Variants in USP14 observed in about 807,000 individuals in gnomAD.
USP14 encodes the protein ubiquitin specific peptidase 14, also known as ubiquitin carboxyl-terminal hydrolase 14.
In USP14, 38 loss-of-function variants were observed where a neutral mutation model predicts 76.5. The ratio of observed to expected loss-of-function variants is 0.50; its 90% CI spans 0.38 to 0.65. The LOEUF is 0.65. Ranked by LOEUF, USP14 falls within the 30% of genes least tolerant of loss-of-function variation. The pLI, the probability that USP14 is intolerant of heterozygous loss-of-function variation, is 0.00. For missense variants in USP14, 467 were observed against 586.5 expected, an observed-to-expected ratio of 0.80 and a Z score of 2.10; for synonymous variants, 192 against 191.7, an observed-to-expected ratio of 1.00 and a Z score of -0.01.
At position 210,500 on chromosome 18, in the gene USP14, G is replaced by A. The variant is rs943399589; in HGVS notation, c.1333+7G>A. The stretch of plus-strand genomic sequence containing the variant: ...TGGGTGAAAAGGAAACAAGGTAAAG[G>A]GTATTCTTTTTTCAACTGTTCAATA... On this transcript the variant is annotated splice_region_variant and intron_variant, in intron 15 of 15. Transcript: ENST00000261601. The A allele has an allele frequency of 1.3e-6, 2 of 1,553,026 alleles. No homozygotes were observed. The highest frequency in any genetic ancestry group is 1.8e-6 in the Non-Finnish European group (2 of 1,137,208).
At chr18:175,856 A>G (rs894099519) in intron 3 of USP14, among the ~76,000 whole-genome samples, 9 of 152,094 alleles carry the variant, frequency 5.9e-5, no homozygotes, top group Non-Finnish European at 1.2e-4. Context: ...CTAGTTCACT[A>G]GACTTCATGT....
chr18:203,840 C>T (rs188132089), intron 12 of USP14, among the ~76,000 whole-genome samples: 17 of 152,084 alleles, frequency 1.1e-4, no homozygotes, highest in East Asian at 3.9e-4. Flanking sequence ...CCTCTTGATC[C>T]GCCCGCTTTG....
chr18:210,456 T>C lies in USP14; in HGVS notation c.1296T>C (p.Ser432=). ...TAACACACCAGGGAAGGTCTAGTTCTTCAGGTCATTATGTATCATGGGTGA... is the reference window on the plus strand; with the variant it reads ...TAACACACCAGGGAAGGTCTAGTTCCTCAGGTCATTATGTATCATGGGTGA... ...AVLTHQGRSS[S]SGHYVSWVKR... is the part of the protein sequence containing the mutation. Residue 432 remains serine (S), a synonymous_variant, in exon 15 of 16, where the codon TCT becomes TCC. Transcript: ENST00000261601. The C allele has an allele frequency of 6.2e-7, 1 of 1,611,822 alleles. No individual in the cohort carries two copies. Among genetic ancestry groups the C allele is most frequent in the Non-Finnish European group, 8.5e-7 (1 of 1,178,788 alleles).
At chr18:181,370 C>A (rs542400968) in intron 5 of USP14, among the ~76,000 whole-genome samples, 1 of 152,092 alleles carries the variant, frequency 6.6e-6, no homozygotes, top group Non-Finnish European at 1.5e-5. Context: ...AGCCATCTAG[C>A]GCTATGAAGT....
intron 10 of USP14, among the ~76,000 whole-genome samples, chr18:202,667 G>C (rs111311471): frequency 6.6e-6 from 1 of 152,036 alleles, no homozygotes; most frequent in Non-Finnish European, 1.5e-5. Context: ...CCACAACAAC[G>C]TAAATTATTT....
intron 11 of USP14, 31 bp from the exon 12 acceptor site, chr18:203,067 A>G: frequency 6.2e-7 from 1 of 1,610,012 alleles, no homozygotes; most frequent in Non-Finnish European, 8.5e-7. Flanking sequence ...ATTTTGATGT[A>G]ATGGGATTTC....
intron 5 of USP14, among the ~76,000 whole-genome samples, chr18:186,969 T>G (rs536921071): frequency 5.8e-4 from 88 of 152,296 alleles, no homozygotes; most frequent in African/African-American, 2.1e-3. Context: ...AGTGGGTTAA[T>G]AAATTAGAGT....
chr18:197,212 C>T (rs1032379025), intron 7 of USP14, among the ~76,000 whole-genome samples: 4 of 152,360 alleles, frequency 2.6e-5, no homozygotes, highest in South Asian at 2.1e-4. Context: ...GCAAGACCAG[C>T]TCCCTCACCT....
At chr18:208,821 G>T (rs1020288228) in intron 13 of USP14, among the ~76,000 whole-genome samples, 1 of 152,042 alleles carries the variant, frequency 6.6e-6, no homozygotes, top group Non-Finnish European at 1.5e-5. Context: ...TCCCGGCTCA[G>T]TGCAACCTCT....
intron 5 of USP14, among the ~76,000 whole-genome samples, chr18:191,821 A>G (rs1910097658): frequency 1.3e-5 from 2 of 152,102 alleles, no homozygotes; most frequent in Non-Finnish European, 2.9e-5. Flanking sequence ...TAGTCACTCT[A>G]ATGGGTGTGT....
At chr18:209,901 AACACTT>A (rs1910624705) in intron 13 of USP14, 64 bp from the exon 14 acceptor site, 1 of 1,194,048 alleles carries the variant, frequency 8.4e-7, no homozygotes, top group African/African-American at 1.5e-5. Context: ...TATGAAATTG[AACACTT>A]ACAGAGAATT....
intron 3 of USP14, among the ~76,000 whole-genome samples, chr18:168,671 G>C (rs1013933501): frequency 2.6e-5 from 4 of 151,948 alleles, no homozygotes; most frequent in African/African-American, 9.7e-5. Flanking sequence ...CTGACCTCAA[G>C]TGATCTGCCT....
intron 5 of USP14, among the ~76,000 whole-genome samples, chr18:184,974 T>TTAGAACC (rs1457647987): frequency 1.3e-5 from 2 of 151,960 alleles, no homozygotes. Context: ...GATTCTCAAT[T>TTAGAACC]TAGAACCTAG....
chr18:165,698 A>G (rs1438494047), intron 2 of USP14, among the ~76,000 whole-genome samples: 1 of 152,226 alleles, frequency 6.6e-6, no homozygotes, highest in African/African-American at 2.4e-5. Context: ...TTATACATCA[A>G]GCAGATCTGT....
chr18:197,241 C>T (rs1012930948), intron 7 of USP14, among the ~76,000 whole-genome samples: 1 of 152,240 alleles, frequency 6.6e-6, no homozygotes, highest in Non-Finnish European at 1.5e-5. Context: ...TCTCATGGCT[C>T]CAAGGCCAAA....
chr18:184,520 G>A (rs750498507), intron 5 of USP14, among the ~76,000 whole-genome samples: 16 of 152,174 alleles, frequency 1.1e-4, no homozygotes, highest in African/African-American at 1.7e-4. Flanking sequence ...TTGGGAGGCC[G>A]AGGCAGGTAT....
intron 6 of USP14, among the ~76,000 whole-genome samples, chr18:195,973 G>T (rs1350803130): frequency 6.6e-6 from 1 of 152,000 alleles, no homozygotes; most frequent in Non-Finnish European, 1.5e-5. Flanking sequence ...ATTTAAAAAG[G>T]ATTTTTTTTT....
intron 13 of USP14, among the ~76,000 whole-genome samples, chr18:204,904 C>CT (rs775473299): frequency 0.02 from 2,870 of 144,192 alleles, 98 homozygotes; most frequent in African/African-American, 0.065. Flanking sequence ...TTTTATTTTC[C>CT]TTTTTTTTTT....
chr18:192,822 C>T lies in USP14; in HGVS notation c.405-20C>T. On this transcript the variant is annotated intron_variant, in intron 5 of 15. Coordinates refer to ENST00000261601, the MANE Select transcript of USP14 (RefSeq NM_005151.4). ...GAATGAATTGAATTCTATTGTTTAA[C>T]TCGGCTTTAATGTTCCTAGGTATGC... is the stretch of plus-strand genomic sequence containing the variant. 1.2e-6 allele frequency: 2 copies of T among 1,612,554 alleles called. No individual in the cohort carries two copies. Among genetic ancestry groups the T allele is most frequent in the Non-Finnish European group, 1.7e-6 (2 of 1,179,178 alleles).
Sources: allele counts gnomAD v4.1 joint callset (sites outside exome capture counted in the v4.1 genomes callset), GRCh38; gene constraint gnomAD v4.1.1; transcripts MANE v1.5; gene names NCBI Gene and HGNC (gene_info 2026-07-23, HGNC 2026-07-21).